MAOA: variants seen among roughly 807,000 people sequenced by gnomAD.
The protein encoded by MAOA is amine oxidase [flavin-containing] A.
Under a neutral mutation model 42.0 loss-of-function variants are expected in MAOA, and 6 were observed. The observed-to-expected ratio is 0.14, with a 90% CI of 0.08 to 0.28. The LOEUF (loss-of-function observed/expected upper bound fraction) is 0.28. Among genes scored for constraint, MAOA ranks in the 10% least tolerant of loss-of-function variants. The pLI is 1.00. For synonymous variants in MAOA, 140 were observed against 154.0 expected, an observed-to-expected ratio of 0.91 and a Z score of 0.67; for missense variants, 262 against 422.3, an observed-to-expected ratio of 0.62 and a Z score of 3.33.
At chrX:43,711,140 G>A (rs1034295420) in intron 3 of MAOA, among the ~76,000 whole-genome samples, 1 of 111,263 alleles carries the variant, frequency 9.0e-6, no homozygotes, top group Non-Finnish European at 1.9e-5. Context: ...CAGGAGCTGG[G>A]GGTAGGGGTG....
chrX:43,655,998 G>T (rs1401452761), upstream of MAOA: 1 of 265,968 alleles, frequency 3.8e-6, no homozygotes, highest in Non-Finnish European at 6.9e-6. Context: ...GACACTCCGC[G>T]GGGTTCAATA....
At chrX:43,690,658 G>A (rs1017981548) in intron 2 of MAOA, among the ~76,000 whole-genome samples, 3 of 111,545 alleles carry the variant, frequency 2.7e-5, no homozygotes, top group Non-Finnish European at 5.6e-5. Flanking sequence ...TTCTACCACC[G>A]TCCTTGACAC....
intron 9 of MAOA, among the ~76,000 whole-genome samples, chrX:43,733,451 G>A (rs964559315): frequency 1.8e-5 from 2 of 111,190 alleles, no homozygotes; most frequent in Admixed American, 9.5e-5. Context: ...TTCTCATTCC[G>A]GCACATAGCT....
intron 1 of MAOA, among the ~76,000 whole-genome samples, chrX:43,658,316 G>A (rs1221937064): frequency 1.8e-5 from 2 of 111,363 alleles, no homozygotes; most frequent in Non-Finnish European, 3.8e-5. Context: ...TCCTCTGCCT[G>A]ATTACCTGCT....
At chrX:43,732,513 C>T (rs2033889733) in intron 8 of MAOA, among the ~76,000 whole-genome samples, 186 bp from the exon 9 acceptor site, 1 of 110,609 alleles carries the variant, frequency 9.0e-6, no homozygotes, top group Admixed American at 9.7e-5. Flanking sequence ...CATTTTCTGT[C>T]TGTGGGTGAA....
chrX:43,696,735 CAA>C (rs752514840), intron 3 of MAOA, among the ~76,000 whole-genome samples: 11 of 41,642 alleles, frequency 2.6e-4, no homozygotes, highest in African/African-American at 3.4e-4. Flanking sequence ...GACTCCGTCT[CAA>C]AAAAAAAAAA....
intron 10 of MAOA, 78 bp from the exon 11 acceptor site, chrX:43,740,603 C>T: frequency 1.1e-6 from 1 of 876,917 alleles, no homozygotes; most frequent in Non-Finnish European, 1.6e-6. Flanking sequence ...AGCTCTAGAA[C>T]TCACTGTATT....
chrX:43,661,915 G>C (rs2033236874), intron 1 of MAOA, among the ~76,000 whole-genome samples: 1 of 111,671 alleles, frequency 9.0e-6, no homozygotes, highest in Non-Finnish European at 1.9e-5. Flanking sequence ...ATTCAGTGCT[G>C]TATAAAACCA....
intron 3 of MAOA, among the ~76,000 whole-genome samples, chrX:43,696,572 A>T (rs1001500049): frequency 9.0e-6 from 1 of 110,737 alleles, no homozygotes; most frequent in African/African-American, 3.3e-5. Flanking sequence ...CACTAAAAAT[A>T]CAAAAAATTA....
intron 1 of MAOA, among the ~76,000 whole-genome samples, chrX:43,663,564 C>T (rs1004606326): frequency 2.7e-5 from 3 of 111,313 alleles, no homozygotes; most frequent in African/African-American, 6.5e-5. Context: ...TCCTTGGATG[C>T]GTAAAATACT....
chrX:43,663,256 C>T (rs2033249835), intron 1 of MAOA, among the ~76,000 whole-genome samples: 1 of 111,529 alleles, frequency 9.0e-6, no homozygotes, highest in Non-Finnish European at 1.9e-5. Flanking sequence ...GGTCTCTCCA[C>T]AGGTGCTCAT....
At chrX:43,657,040 A>G in intron 1 of MAOA, among the ~76,000 whole-genome samples, 1 of 96,077 alleles carries the variant, frequency 1.0e-5, no homozygotes, top group Non-Finnish European at 2.1e-5. Context: ...AGAAAAGGTT[A>G]AAAAAAAAAA....
intron 5 of MAOA, among the ~76,000 whole-genome samples, chrX:43,724,051 G>A (rs754454014): frequency 8.1e-5 from 9 of 111,300 alleles, no homozygotes; most frequent in South Asian, 3.9e-4. Context: ...TGGTGGATAC[G>A]CTTTTTGATG....
intron 1 of MAOA, among the ~76,000 whole-genome samples, chrX:43,678,901 A>G (rs2147078762): frequency 8.9e-6 from 1 of 111,974 alleles, no homozygotes; most frequent in East Asian, 2.8e-4. Flanking sequence ...CCTTTAAGTT[A>G]TCGTGGAAAT....
intron 2 of MAOA, 88 bp from the exon 3 acceptor site, chrX:43,693,202 TA>T: frequency 1.0e-6 from 1 of 970,315 alleles, no homozygotes; most frequent in Non-Finnish European, 1.5e-6. Flanking sequence ...AATTAACTTT[TA>T]AAAAAATAAA....
At position 43,671,007 on chromosome X, in the gene MAOA, G is replaced by A. The variant is rs1329846564; in HGVS notation, c.74-12506G>A. On this transcript the variant is annotated intron_variant, in intron 1 of 14. Transcript: ENST00000338702. ...GTATTTCTAGTTCTAGATCCCTGAG[G>A]AATTGCCACACTGACTTCCACAAGG... Among the ~76,000 whole-genome samples the A allele has an allele frequency of 1.5e-4, 16 of 105,383 alleles. No homozygotes were observed. The Admixed American group carries it at 1.6e-3, about 11-fold the overall frequency. The allele number at this position is 105,383 out of a possible 115,157, so 91.5% of individuals were successfully genotyped here.
intron 1 of MAOA, among the ~76,000 whole-genome samples, chrX:43,660,140 A>G (rs763579582): frequency 9.0e-6 from 1 of 111,269 alleles, no homozygotes; most frequent in African/African-American, 3.3e-5. Flanking sequence ...TGTGTACATT[A>G]TTTAGCTCCC....
intron 6 of MAOA, among the ~76,000 whole-genome samples, chrX:43,729,794 A>G (rs764906629): frequency 2.7e-5 from 3 of 111,759 alleles, no homozygotes; most frequent in Admixed American, 9.5e-5. Flanking sequence ...ATTTTTTATA[A>G]AGAACTTTGG....
chrX:43,736,767 T>G (rs1034849904), intron 10 of MAOA, among the ~76,000 whole-genome samples: 1 of 110,931 alleles, frequency 9.0e-6, no homozygotes, highest in Admixed American at 9.6e-5. Context: ...GACAGTGGTT[T>G]TTTTTTTTTT....
Sources: gnomAD v4.1 joint callset for allele counts (sites outside exome capture counted in the v4.1 genomes callset) on GRCh38, gnomAD v4.1.1 for gene constraint, MANE v1.5 for transcripts, NCBI Gene and HGNC (gene_info 2026-07-23, HGNC 2026-07-21) for gene names.